The following AGBL4 variants were observed in gnomAD, a reference collection of about 807,000 sequenced individuals.
AGBL4 encodes cytosolic carboxypeptidase 6.
In AGBL4, 58 loss-of-function variants were observed where a neutral mutation model predicts 66.4. The ratio of observed to expected loss-of-function variants is 0.87; its 90% CI spans 0.71 to 1.09. AGBL4 has a LOEUF of 1.09. Among genes scored for constraint, AGBL4 ranks in the 50% least tolerant of loss-of-function variants. The probability of loss-of-function intolerance (pLI) is 0.00; values close to 1 mark genes in which losing one functional copy is unlikely to be tolerated. For missense variants in AGBL4, 579 were observed against 631.0 expected (o/e 0.92, Z 0.88); for synonymous variants, 234 against 222.9 (o/e 1.05, Z -0.44).
intron 3 of AGBL4, among the ~76,000 whole-genome samples, chr1:49,492,862 C>T (rs1445637850): frequency 2.0e-5 from 3 of 151,914 alleles, no homozygotes; most frequent in Non-Finnish European, 4.4e-5. Context: ...TAAAGACATA[C>T]CCAAGACTGG....
chr1:48,993,650 G>T (rs1012468952), intron 5 of AGBL4, among the ~76,000 whole-genome samples: 1 of 152,198 alleles, frequency 6.6e-6, no homozygotes, highest in East Asian at 1.9e-4. Flanking sequence ...ATGGTGGAGA[G>T]GCTTGATGGA....
At chr1:49,449,679 C>T (rs1180289026) in intron 3 of AGBL4, among the ~76,000 whole-genome samples, 1 of 151,928 alleles carries the variant, frequency 6.6e-6, no homozygotes, top group African/African-American at 2.4e-5. Flanking sequence ...GACACAGGTA[C>T]AAGAGGTTGT....
intron 2 of AGBL4, among the ~76,000 whole-genome samples, chr1:49,711,758 T>C (rs1344047368): frequency 2.0e-5 from 3 of 152,062 alleles, no homozygotes; most frequent in African/African-American, 4.8e-5. Context: ...AAAATACTTA[T>C]ACCTCTCCAC....
At chr1:48,882,722 T>C (rs757716221) in intron 5 of AGBL4, among the ~76,000 whole-genome samples, 60 of 152,180 alleles carry the variant, frequency 3.9e-4, no homozygotes, top group Non-Finnish European at 6.3e-4. Context: ...AACTTATCCC[T>C]CCTGTCTAAC....
At chr1:49,369,241 C>T (rs540085077) in intron 3 of AGBL4, among the ~76,000 whole-genome samples, 58 of 152,268 alleles carry the variant, frequency 3.8e-4, no homozygotes, top group African/African-American at 1.4e-3. Flanking sequence ...ATAAATATCC[C>T]AGCATAACCT....
At chr1:49,997,096 A>G (rs904904026) in intron 1 of AGBL4, among the ~76,000 whole-genome samples, 2 of 152,212 alleles carry the variant, frequency 1.3e-5, no homozygotes, top group Admixed American at 6.5e-5. Flanking sequence ...ACCAAAATAT[A>G]ACCTCCTTAA....
intron 11 of AGBL4, among the ~76,000 whole-genome samples, chr1:48,583,661 C>T (rs951124106): frequency 6.6e-6 from 1 of 152,256 alleles, no homozygotes; most frequent in East Asian, 1.9e-4. Context: ...GAAGGGTGCT[C>T]TCACGGATGA....
chr1:48,908,149 C>T (rs1473032605), intron 5 of AGBL4, among the ~76,000 whole-genome samples: 1 of 152,182 alleles, frequency 6.6e-6, no homozygotes, highest in Admixed American at 6.5e-5. Context: ...TTGGTCCTGA[C>T]CTTGTAAGAG....
chr1:49,844,043 T>C (rs1013562050), intron 2 of AGBL4, among the ~76,000 whole-genome samples: 1 of 151,994 alleles, frequency 6.6e-6, no homozygotes, highest in Non-Finnish European at 1.5e-5. Flanking sequence ...TCTCAGGGGG[T>C]TCCCATTTAG....
intron 3 of AGBL4, among the ~76,000 whole-genome samples, chr1:49,640,275 T>C (rs1645754891): frequency 1.3e-5 from 2 of 152,114 alleles, no homozygotes; most frequent in African/African-American, 4.8e-5. Context: ...GTTGCCAAGG[T>C]GATGGGGATT....
intron 5 of AGBL4, among the ~76,000 whole-genome samples, chr1:48,923,506 C>T (rs1654268414): frequency 2.0e-5 from 3 of 152,170 alleles, no homozygotes; most frequent in Admixed American, 6.5e-5. Flanking sequence ...AAGTGCACAG[C>T]ACTGTAAAAG....
intron 4 of AGBL4, among the ~76,000 whole-genome samples, chr1:49,214,686 G>A (rs896795515): frequency 1.3e-5 from 2 of 152,104 alleles, no homozygotes; most frequent in Non-Finnish European, 2.9e-5. Flanking sequence ...ATCCAGACAC[G>A]TTGGAGACTA....
chr1:49,237,891 G>T (rs1009493123), intron 4 of AGBL4, among the ~76,000 whole-genome samples: 9 of 151,706 alleles, frequency 5.9e-5, no homozygotes, highest in Non-Finnish European at 1.0e-4. Context: ...GAATAAGTCT[G>T]CTGGCAAAAA....
chr1:49,536,136 C>T (rs1308770867), intron 3 of AGBL4, among the ~76,000 whole-genome samples: 2 of 152,108 alleles, frequency 1.3e-5, no homozygotes, highest in East Asian at 1.9e-4. Flanking sequence ...AATATTTCTA[C>T]TCTGAGTTCC....
chr1:49,658,022 T>A (rs1646182316), intron 3 of AGBL4, among the ~76,000 whole-genome samples: 1 of 152,084 alleles, frequency 6.6e-6, no homozygotes, highest in South Asian at 2.1e-4. Flanking sequence ...CTAATTAAAC[T>A]AAAGAGCTTC....
intron 1 of AGBL4, among the ~76,000 whole-genome samples, chr1:49,858,967 G>GACTGTGCC (rs1553135345): frequency 2.0e-5 from 3 of 151,508 alleles, no homozygotes; most frequent in South Asian, 2.1e-4. Flanking sequence ...AGCGAGCTGA[G>GACTGTGCC]ACTGCACTCC....
At chr1:49,437,454 G>GT (rs1320939492) in intron 3 of AGBL4, among the ~76,000 whole-genome samples, 1 of 152,022 alleles carries the variant, frequency 6.6e-6, no homozygotes, top group Non-Finnish European at 1.5e-5. Flanking sequence ...CCATTTTAAA[G>GT]TGACTCCCGT....
At chr1:49,259,191 A>G (rs1652857235) in intron 3 of AGBL4, among the ~76,000 whole-genome samples, 1 of 152,202 alleles carries the variant, frequency 6.6e-6, no homozygotes, top group Non-Finnish European at 1.5e-5. Flanking sequence ...AGTACCAGCC[A>G]CTGCAAAATC....
At chr1:49,073,067 GTTCTC>G in intron 4 of AGBL4, among the ~76,000 whole-genome samples, 1 of 152,166 alleles carries the variant, frequency 6.6e-6, no homozygotes, top group African/African-American at 2.4e-5. Context: ...GCTTCACAAG[GTTCTC>G]GTGCTACGTT....
Sources: allele counts gnomAD v4.1 joint callset (sites outside exome capture counted in the v4.1 genomes callset), GRCh38; gene constraint gnomAD v4.1.1; transcripts MANE v1.5; gene names NCBI Gene and HGNC (gene_info 2026-07-23, HGNC 2026-07-21).